The following LAMP1 variants were observed in gnomAD, a reference collection of about 807,000 sequenced individuals.
The protein encoded by LAMP1 is lysosome associated membrane protein 1.
A neutral mutation model predicts 37.5 loss-of-function variants in LAMP1; 7 were observed. The observed-to-expected ratio is 0.19, with a 90% CI of 0.11 to 0.35. The LOEUF (loss-of-function observed/expected upper bound fraction) is 0.35, where lower values mean the gene tolerates loss of function less well. Ranked by LOEUF, LAMP1 falls within the 10% of genes least tolerant of loss-of-function variation. The pLI is 1.00. For missense variants in LAMP1, 537 were observed against 552.8 expected (o/e 0.97, Z 0.29); for synonymous variants, 236 against 229.1 (o/e 1.03, Z -0.27).
At position 113,319,543 on chromosome 13, in the gene LAMP1, G is replaced by A. The variant is rs747575303; in HGVS notation, c.637G>A (p.Val213Met). The A allele has an allele frequency of 1.1e-5, 18 of 1,613,804 alleles. No individual in the cohort carries two copies. Among genetic ancestry groups the A allele is most frequent in the East Asian group, 6.7e-5 (3 of 44,900 alleles). The change falls in exon 5 of 9, where the codon GTG (valine) becomes ATG (methionine). Residue 213 changes from valine (V) to methionine (M), a missense_variant. Transcript: ENST00000332556. ...PAPPSPSPSP[V>M]PKSPSVDKYN... ...GCCACCCAGCCCCTCGCCCTCACCC[G>A]TGCCCAAGAGCCCCTCTGTGGACAA...
intron 2 of LAMP1, among the ~76,000 whole-genome samples, chr13:113,308,084 G>A (rs141740521): frequency 6.6e-5 from 10 of 151,446 alleles, no homozygotes; most frequent in South Asian, 2.1e-4. Context: ...CCAAGATCTC[G>A]GCTCACTGTG....
chr13:113,315,382 C>CTTT (rs1158608278), intron 4 of LAMP1, among the ~76,000 whole-genome samples: 1,071 of 60,370 alleles, frequency 0.018, 36 homozygotes, highest in Non-Finnish European at 0.025. Flanking sequence ...TGTATCTTGT[C>CTTT]TTTTTTTTTT....
At chr13:113,311,284 C>T (rs571750012) in intron 4 of LAMP1, among the ~76,000 whole-genome samples, 134 of 152,230 alleles carry the variant, frequency 8.8e-4, no homozygotes, top group South Asian at 5.6e-3. Flanking sequence ...TGTATTCTGG[C>T]TTGAATATTG....
chr13:113,300,147 C>G (rs1241425390), intron 1 of LAMP1, among the ~76,000 whole-genome samples: 1 of 152,182 alleles, frequency 6.6e-6, no homozygotes. Context: ...GACCGCCTTA[C>G]CCTTTCCACT....
At chr13:113,303,476 C>T (rs1408103940) in intron 1 of LAMP1, among the ~76,000 whole-genome samples, 1 of 152,028 alleles carries the variant, frequency 6.6e-6, no homozygotes, top group Non-Finnish European at 1.5e-5. Flanking sequence ...GGCTGTGACA[C>T]CTGTCAGGTT....
Position 113,321,414 on chromosome 13 carries a change from C to T in LAMP1, c.887C>T (p.Ser296Phe). The part of the protein sequence containing the change: ...LLFQFGMNAS[S>F]SRFFLQGIQL... Reference sequence around the variant, plus strand: ...ATTTTTCTTTTTAAGAATGCAAGTTCTAGCCGGTTTTTCCTACAAGGAATC... The same window carrying T: ...ATTTTTCTTTTTAAGAATGCAAGTTTTAGCCGGTTTTTCCTACAAGGAATC... The change falls in exon 7 of 9, where the codon TCT becomes TTT. Residue 296 changes from serine (S) to phenylalanine (F), a missense_variant. Physicochemically the swap from Ser to Phe is radical, Grantham distance 155 (BLOSUM62 -2). Transcript: ENST00000332556. This position sits in a 1 kb window ranked among gnomAD's most constrained non-coding sequence, Gnocchi z 5.6. 1 of 1,613,676 alleles carries T rather than the reference C, an allele frequency of 6.2e-7. No homozygotes were observed. Among genetic ancestry groups the T allele is most frequent in the Non-Finnish European group, 8.5e-7 (1 of 1,179,596 alleles).
intron 1 of LAMP1, among the ~76,000 whole-genome samples, chr13:113,299,538 C>T (rs902300245): frequency 2.0e-5 from 3 of 149,654 alleles, no homozygotes; most frequent in East Asian, 2.0e-4. Flanking sequence ...GCTGGGAGTA[C>T]GGGTTTGAGC....
At chr13:113,301,293 A>G (rs765433661) in intron 1 of LAMP1, among the ~76,000 whole-genome samples, 17 of 152,050 alleles carry the variant, frequency 1.1e-4, no homozygotes, top group Non-Finnish European at 1.9e-4. Context: ...CCTGGGCAAC[A>G]TGGCGAGACC....
In LAMP1 at chr13:113,321,560, C is replaced by T; in HGVS notation, c.947C>T (p.Pro316Leu). 1 of 1,614,204 alleles carries T rather than the reference C, an allele frequency of 6.2e-7. No homozygotes were observed. Among genetic ancestry groups the T allele is most frequent in the Non-Finnish European group, 8.5e-7 (1 of 1,180,024 alleles). ...TAGACCTCTGTGTGTGTTGCAGACC[C>T]TGCCTTTAAAGCTGCCAACGGCTCC... ...LNTILPDARD[P>L]AFKAANGSLR... Residue 316 changes from proline to leucine, a missense_variant, in exon 8 of 9, where the codon CCT becomes CTT. Physicochemically the swap from Pro to Leu is moderately conservative, Grantham distance 98. Coordinates refer to ENST00000332556, the MANE Select transcript of LAMP1 (RefSeq NM_005561.4). This position sits in a 1 kb window ranked among gnomAD's most constrained non-coding sequence, Gnocchi z 5.6.
intron 1 of LAMP1, among the ~76,000 whole-genome samples, chr13:113,303,447 G>C (rs2042583906): frequency 6.6e-6 from 1 of 152,122 alleles, no homozygotes; most frequent in African/African-American, 2.4e-5. Flanking sequence ...TGGAGATGCT[G>C]CCAACGGCTG....
chr13:113,309,580 CTT>C, intron 2 of LAMP1, 61 bp from the exon 3 acceptor site: 12 of 1,279,540 alleles, frequency 9.4e-6, no homozygotes, highest in South Asian at 1.3e-5. Context: ...CAGAAAATCT[CTT>C]TCTTTGAACT....
In LAMP1 at chr13:113,321,146, C is replaced by T. The variant is rs2042696883; in HGVS notation, c.877-258C>T. 2.2e-6 allele frequency: 1 copy of T among 462,588 alleles called. No individual in the cohort carries two copies. Among genetic ancestry groups the T allele is most frequent in the Non-Finnish European group, 4.0e-6 (1 of 252,524 alleles). The allele number at this position is 462,588 out of a possible 1,614,324, so 28.7% of individuals were successfully genotyped here. A position where few individuals can be genotyped will look rare whatever the true frequency, so the allele number is the denominator to read the frequency against. Reference sequence around the variant, plus strand: ...GATGAGCCGTGATCACTCCACTGCACTCCAGCCTGGGTGACAGAGCAAGAC... The same window carrying T: ...GATGAGCCGTGATCACTCCACTGCATTCCAGCCTGGGTGACAGAGCAAGAC... On this transcript the variant is annotated intron_variant, in intron 6 of 8. Transcript: ENST00000332556. This position sits in a 1 kb window ranked among gnomAD's most constrained non-coding sequence, Gnocchi z 5.6.
intron 4 of LAMP1, among the ~76,000 whole-genome samples, chr13:113,314,440 G>C (rs111464412): frequency 9.2e-5 from 8 of 87,124 alleles, no homozygotes; most frequent in African/African-American, 3.5e-4. Flanking sequence ...GGAGATGCCC[G>C]TGTGCCTGGG....
intron 2 of LAMP1, among the ~76,000 whole-genome samples, chr13:113,306,834 C>CCTTTTT (rs1555311184): frequency 6.5e-4 from 52 of 80,164 alleles, no homozygotes; most frequent in African/African-American, 2.4e-3. Flanking sequence ...GAACATTTTC[C>CCTTTTT]TTTTTTTTTT....
In LAMP1 at chr13:113,301,694, TAC is replaced by T. The variant is rs200969821; in HGVS notation, c.61+4212_61+4213del. 6.3e-3 allele frequency among the ~76,000 whole-genome samples: 879 copies of T among 139,142 alleles called. 62 individuals are homozygous for T. In the East Asian group the frequency reaches 0.11, roughly 17 times the overall value. The allele number at this position is 139,142 out of a possible 152,430, so 91.3% of individuals were successfully genotyped here. On this transcript the variant is annotated intron_variant, in intron 1 of 8. Transcript: ENST00000332556. ...ATATATATATATATATATATATATT[TAC>T]ACACACACACACTTATACCTTGCCT...
In LAMP1 at chr13:113,306,472, C is replaced by G; in HGVS notation, c.62-13C>G. 3 of 1,612,132 alleles carry G rather than the reference C, an allele frequency of 1.9e-6. No individual in the cohort carries two copies. Among genetic ancestry groups the G allele is most frequent in the Non-Finnish European group, 2.5e-6 (3 of 1,178,878 alleles). On this transcript the variant is annotated splice_polypyrimidine_tract_variant and intron_variant, in intron 1 of 8. Transcript: ENST00000332556. ...CAGTTTTTGATGGTCTCCGTCTTCCCTGGAATTGACAGGCCTCATGCATTG... is the reference window on the plus strand; with the variant it reads ...CAGTTTTTGATGGTCTCCGTCTTCCGTGGAATTGACAGGCCTCATGCATTG...
rs2042620332 is a variant in LAMP1 at position 113,309,856 on chromosome 13, T to C, written c.397T>C (p.Ser133Pro). The C allele has an allele frequency of 1.2e-6, 2 of 1,611,440 alleles. No homozygotes were observed. The highest frequency in any genetic ancestry group is 2.2e-5 in the South Asian group (2 of 90,984). The change falls in exon 3 of 9, where the codon TCC becomes CCC. Residue 133 changes from serine to proline, a missense_variant. Transcript: ENST00000332556. ...CACACACCTTTTCCCCAATGCGAGC[T>C]CCAAAGGTAAGAACCAAAATGGGCC... ...SDTHLFPNASSKEIKTVESIT... is the reference protein window; with the variant it reads ...SDTHLFPNASPKEIKTVESIT...
chr13:113,299,514 C>CT (rs930016042), intron 1 of LAMP1, among the ~76,000 whole-genome samples: 79 of 151,536 alleles, frequency 5.2e-4, no homozygotes, highest in African/African-American at 1.9e-3. Flanking sequence ...CCGCCTCCCT[C>CT]TGCCTCCCAA....
intron 2 of LAMP1, among the ~76,000 whole-genome samples, chr13:113,309,263 A>G (rs1027671718): frequency 2.6e-5 from 4 of 151,650 alleles, no homozygotes; most frequent in Admixed American, 6.6e-5. Context: ...ACCATGTCTG[A>G]TTAGTTTATT....
Sources: allele counts gnomAD v4.1 joint callset (sites outside exome capture counted in the v4.1 genomes callset), GRCh38; gene constraint gnomAD v4.1.1; non-coding constraint Gnocchi (gnomAD v3.1); transcripts MANE v1.5; gene names NCBI Gene and HGNC (gene_info 2026-07-23, HGNC 2026-07-21).